PSEN1: variants seen among roughly 807,000 people sequenced by gnomAD.
PSEN1 encodes presenilin-1.
Under a neutral mutation model 53.5 loss-of-function variants are expected in PSEN1, and 15 were observed. That is an observed-to-expected ratio of 0.28 (90% CI 0.19 to 0.43). PSEN1 has a LOEUF of 0.43. PSEN1 is among the 20% of genes least tolerant of loss of function. The pLI, the probability that PSEN1 is intolerant of heterozygous loss-of-function variation, is 1.00. For synonymous variants in PSEN1, 208 were observed against 209.8 expected, an observed-to-expected ratio of 0.99 and a Z score of 0.08; for missense variants, 387 against 571.2, an observed-to-expected ratio of 0.68 and a Z score of 3.29.
At position 73,173,703 on chromosome 14, in the gene PSEN1, A is replaced by G. The variant is rs778630379; in HGVS notation, c.476A>G (p.Tyr159Cys). The G allele has an allele frequency of 1.2e-6, 2 of 1,614,148 alleles. No homozygotes were observed. Among genetic ancestry groups the G allele is most frequent in the Non-Finnish European group, 1.7e-6 (2 of 1,179,966 alleles). The change falls in exon 5 of 12, where the codon TAT becomes TGT. Residue 159 changes from tyrosine (Y) to cysteine (C), a missense_variant. Around this residue, in one of 4 missense-constraint regions of PSEN1, gnomAD observed 169 missense variants for 299.7 expected, o/e 0.56. Coordinates refer to ENST00000324501, the MANE Select transcript of PSEN1 (RefSeq NM_000021.4). The stretch of plus-strand genomic sequence containing the variant: ...GTGGTTCTGTATAAATACAGGTGCT[A>G]TAAGGTGAGCATGAGACACAGATCT... ...LLVVLYKYRC[Y>C]KVIHAWLIIS... is the part of the protein sequence containing the mutation.
At chr14:73,211,075 G>A (rs1031217344) in intron 9 of PSEN1, among the ~76,000 whole-genome samples, 13 of 152,136 alleles carry the variant, frequency 8.5e-5, no homozygotes, top group African/African-American at 1.2e-4. Flanking sequence ...CAACAGTTAG[G>A]AAGCTTTCAG....
At chr14:73,196,552 C>T (rs1310343891) in intron 7 of PSEN1, among the ~76,000 whole-genome samples, 7 of 145,152 alleles carry the variant, frequency 4.8e-5, no homozygotes, top group Non-Finnish European at 1.0e-4. Context: ...TGGCTCACTG[C>T]AGCCTCCACC....
At position 73,170,872 on chromosome 14, in the gene PSEN1, C is replaced by A; in HGVS notation, c.163C>A (p.Pro55Thr). 3 of 1,614,160 alleles carry A rather than the reference C, an allele frequency of 1.9e-6. No homozygotes were observed. Among genetic ancestry groups the A allele is most frequent in the Non-Finnish European group, 1.7e-6 (2 of 1,180,012 alleles). The change falls in exon 4 of 12, where the codon CCC (proline) becomes ACC (threonine). Residue 55 changes from proline to threonine, a missense_variant. Pro to Thr is a conservative substitution (Grantham distance 38). Around this residue, in one of 4 missense-constraint regions of PSEN1, gnomAD observed 99 missense variants for 101.5 expected, o/e 0.98. Coordinates refer to ENST00000324501, the MANE Select transcript of PSEN1 (RefSeq NM_000021.4). ...GHPEPLSNGR[P>T]QGNSRQVVEQ... ...CCCTGAGCCATTATCTAATGGACGACCCCAGGGTAACTCCCGGCAGGTGGT... is the reference window on the plus strand; with the variant it reads ...CCCTGAGCCATTATCTAATGGACGAACCCAGGGTAACTCCCGGCAGGTGGT...
intron 5 of PSEN1, among the ~76,000 whole-genome samples, chr14:73,181,354 A>T (rs1467526597): frequency 6.6e-6 from 1 of 152,234 alleles, no homozygotes; most frequent in Non-Finnish European, 1.5e-5. Flanking sequence ...AGGCAGGAGA[A>T]TCGCTTGAAT....
intron 1 of PSEN1, among the ~76,000 whole-genome samples, chr14:73,144,336 A>G (rs1244990523): frequency 1.3e-5 from 2 of 152,208 alleles, no homozygotes; most frequent in Admixed American, 6.6e-5. Context: ...CACTGCGCCC[A>G]GCCAGCTTAT....
At chr14:73,218,329 T>G (rs967185366) in intron 11 of PSEN1, among the ~76,000 whole-genome samples, 2 of 152,052 alleles carry the variant, frequency 1.3e-5, no homozygotes. Flanking sequence ...TCAACTGATC[T>G]GCCTGCCTCA....
chr14:73,197,025 C>T (rs1238106929), intron 7 of PSEN1, among the ~76,000 whole-genome samples: 1 of 151,046 alleles, frequency 6.6e-6, no homozygotes, highest in African/African-American at 2.4e-5. Flanking sequence ...CTCCGCTTCC[C>T]GGGTTCACGC....
intron 3 of PSEN1, among the ~76,000 whole-genome samples, chr14:73,150,659 C>T (rs928889960): frequency 3.3e-5 from 5 of 150,402 alleles, no homozygotes; most frequent in Admixed American, 2.7e-4. Context: ...CCAGCTACTC[C>T]AGAAACTGAG....
chr14:73,198,239 C>T, intron 8 of PSEN1, 110 bp downstream of exon 8: 1 of 717,696 alleles, frequency 1.4e-6, no homozygotes, highest in Non-Finnish European at 2.5e-6. Flanking sequence ...CTTAAATGCA[C>T]AGCATTCCTG....
chr14:73,214,723 G>C (rs1196469371), intron 10 of PSEN1, among the ~76,000 whole-genome samples: 4 of 152,166 alleles, frequency 2.6e-5, no homozygotes, highest in African/African-American at 9.7e-5. Flanking sequence ...AATACTGTAT[G>C]ATTCCACTTA....
In PSEN1 at chr14:73,211,760, C is replaced by G. The variant is rs751258598; in HGVS notation, c.956-9C>G. 5 of 1,613,900 alleles carry G rather than the reference C, an allele frequency of 3.1e-6. No individual in the cohort carries two copies. In the Admixed American group the frequency reaches 5.0e-5, roughly 16 times the overall value. On this transcript the variant is annotated splice_polypyrimidine_tract_variant and intron_variant, in intron 9 of 11. Transcript: ENST00000324501. ...ATATTAGAGCTGTAACTTCCACTTT[C>G]TCTTGAAGGCACAGAAAGGGAGTCA... is the stretch of plus-strand genomic sequence containing the variant.
chr14:73,179,845 C>CTGCT (rs368943066), intron 5 of PSEN1, among the ~76,000 whole-genome samples: 121 of 152,332 alleles, frequency 7.9e-4, no homozygotes, highest in Middle Eastern at 3.4e-3. Flanking sequence ...TTGCAACCAG[C>CTGCT]TGCTGCCTGC....
At chr14:73,217,448 G>A (rs1043534440) in intron 11 of PSEN1, among the ~76,000 whole-genome samples, 2 of 152,128 alleles carry the variant, frequency 1.3e-5, no homozygotes, top group Non-Finnish European at 2.9e-5. Flanking sequence ...AAAACTGTAA[G>A]CTCTGCCCTG....
intron 6 of PSEN1, among the ~76,000 whole-genome samples, chr14:73,191,992 G>T (rs1426534107): frequency 6.6e-6 from 1 of 152,006 alleles, no homozygotes; most frequent in African/African-American, 2.4e-5. Context: ...GGCATTTTAG[G>T]TATGATATGA....
At chr14:73,139,860 A>T (rs1896868520) in intron 1 of PSEN1, among the ~76,000 whole-genome samples, 1 of 152,196 alleles carries the variant, frequency 6.6e-6, no homozygotes, top group Non-Finnish European at 1.5e-5. Context: ...GAGAGTGAGG[A>T]AAAAGGTATT....
In PSEN1 at chr14:73,175,676, AAT is replaced by A. The variant is rs142234263; in HGVS notation, c.480+1970_480+1971del. Among the ~76,000 whole-genome samples the A allele has an allele frequency of 7.2e-5, 11 of 152,286 alleles. No individual in the cohort carries two copies. In the East Asian group the frequency reaches 1.9e-3, roughly 27 times the overall value. On this transcript the variant is annotated intron_variant, in intron 5 of 11. Coordinates refer to ENST00000324501, the MANE Select transcript of PSEN1 (RefSeq NM_000021.4). ...GAGATATTTGATTCAAGTGCCTTGT[AAT>A]TTACTTCTCAAATGTCCCTGATGTT...
intron 9 of PSEN1, among the ~76,000 whole-genome samples, chr14:73,208,414 C>A (rs1899541488): frequency 6.6e-6 from 1 of 152,080 alleles, no homozygotes; most frequent in Non-Finnish European, 1.5e-5. Context: ...GTCTCTGCAG[C>A]TCTCAGTGGA....
chr14:73,194,566 C>CT (rs34315326), intron 7 of PSEN1, among the ~76,000 whole-genome samples: 3,184 of 128,756 alleles, frequency 0.025, 141 homozygotes, highest in African/African-American at 0.076. Context: ...TGGCCATACA[C>CT]TTTTTTTTTT....
chr14:73,146,298 C>T (rs960760464), intron 1 of PSEN1, among the ~76,000 whole-genome samples: 1 of 151,854 alleles, frequency 6.6e-6, no homozygotes, highest in Non-Finnish European at 1.5e-5. Flanking sequence ...AGCCATCCCC[C>T]CACCTCAGCC....
Sources: allele counts gnomAD v4.1 joint callset (sites outside exome capture counted in the v4.1 genomes callset), GRCh38; gene constraint gnomAD v4.1.1; regional missense constraint gnomAD v4.1.1; transcripts MANE v1.5; gene names NCBI Gene and HGNC (gene_info 2026-07-23, HGNC 2026-07-21).